AHRR: variants seen among roughly 807,000 people sequenced by gnomAD.
AHRR encodes ahR repressor.
In AHRR, 28 loss-of-function variants were observed where a neutral mutation model predicts 44.0. The ratio of observed to expected loss-of-function variants is 0.64; its 90% CI spans 0.47 to 0.87. AHRR has a LOEUF of 0.87. Among genes scored for constraint, AHRR ranks in the 40% least tolerant of loss-of-function variants. The pLI is 0.00. For synonymous variants in AHRR, 434 were observed against 407.0 expected, an observed-to-expected ratio of 1.07 and a Z score of -0.80; for missense variants, 990 against 953.9, an observed-to-expected ratio of 1.04 and a Z score of -0.50.
At chr5:396,386 G>C (rs2126482911) in intron 4 of AHRR, among the ~76,000 whole-genome samples, 1 of 152,306 alleles carries the variant, frequency 6.6e-6, no homozygotes, top group Non-Finnish European at 1.5e-5. Context: ...GCTGGGGTCT[G>C]TGTGTCTGGG....
intron 4 of AHRR, among the ~76,000 whole-genome samples, chr5:410,058 G>A (rs553678590): frequency 3.3e-5 from 5 of 152,210 alleles, no homozygotes; most frequent in African/African-American, 1.2e-4. Flanking sequence ...TTGGCTGAGG[G>A]TCAGCTTGTC....
chr5:423,120 C>T (rs1736210451), intron 6 of AHRR, among the ~76,000 whole-genome samples: 1 of 152,206 alleles, frequency 6.6e-6, no homozygotes, highest in Non-Finnish European at 1.5e-5. Context: ...AGGTCACCGC[C>T]ATTCTTGTCA....
At chr5:425,275 G>A (rs1439437176) in intron 7 of AHRR, among the ~76,000 whole-genome samples, 1 of 152,184 alleles carries the variant, frequency 6.6e-6, no homozygotes, top group Non-Finnish European at 1.5e-5. Flanking sequence ...ACACGCCCCA[G>A]GGCACATCTT....
intron 5 of AHRR, chr5:422,365 A>G (rs1259668160): frequency 1.5e-5 from 5 of 343,502 alleles, no homozygotes; most frequent in African/African-American, 1.1e-4. Flanking sequence ...AGGCCATAAG[A>G]TGTGAAGTGA....
At chr5:328,255 ATTTTTTT>A (rs70955232) in intron 1 of AHRR, among the ~76,000 whole-genome samples, 3 of 54,286 alleles carry the variant, frequency 5.5e-5, no homozygotes, top group African/African-American at 1.2e-4. Flanking sequence ...CCAACATCTG[ATTTTTTT>A]TTTTTTTTTT....
chr5:341,564 TCG>T (rs1742351487), intron 1 of AHRR, among the ~76,000 whole-genome samples: 1 of 138,210 alleles, frequency 7.2e-6, no homozygotes, highest in Admixed American at 7.7e-5. Flanking sequence ...CCTCACTCTG[TCG>T]CCCAGGCTGG....
Position 434,335 on chromosome 5 carries a change from C to G in AHRR, c.1595C>G (p.Ser532Cys), listed in dbSNP as rs1196584343. The change falls in exon 11 of 11, where the codon TCC becomes TGC. Residue 532 changes from serine to cysteine, a missense_variant. By Grantham distance (112) the Ser-to-Cys change is moderately radical (BLOSUM62 -1). Coordinates refer to ENST00000684583, the MANE Select transcript of AHRR (RefSeq NM_001377236.1). ...LCGPTLLLDV[S>C]IKMEKDSGCE... ...GGTCCGACGCTGCTGCTAGATGTGTCCATCAAGATGGAGAAGGACTCTGGG... is the reference window on the plus strand; with the variant it reads ...GGTCCGACGCTGCTGCTAGATGTGTGCATCAAGATGGAGAAGGACTCTGGG... The G allele has an allele frequency of 1.2e-6, 2 of 1,612,536 alleles. No homozygotes were observed. The highest frequency in any genetic ancestry group is 2.2e-5 in the South Asian group (2 of 90,910).
chr5:381,320 T>A (rs1733972292), intron 4 of AHRR, among the ~76,000 whole-genome samples: 1 of 152,154 alleles, frequency 6.6e-6, no homozygotes, highest in African/African-American at 2.4e-5. Flanking sequence ...ATAATTGTTG[T>A]CTGAGAATAG....
At position 414,529 on chromosome 5, in the gene AHRR, G is replaced by A. The variant is rs111611289; in HGVS notation, c.441+1096G>A. Among the ~76,000 whole-genome samples the A allele has an allele frequency of 5.4e-3, 824 of 152,164 alleles. 11 individuals carry two copies. The highest frequency in any genetic ancestry group is 0.019 in the African/African-American group (790 of 41,512). ...ACAAGCCACTCCCACAAAAATACCCGCCCTGCAAATGAGCTCACAATGCAA... is the reference window on the plus strand; with the variant it reads ...ACAAGCCACTCCCACAAAAATACCCACCCTGCAAATGAGCTCACAATGCAA... On this transcript the variant is annotated intron_variant, in intron 5 of 10. Coordinates refer to ENST00000684583, the MANE Select transcript of AHRR (RefSeq NM_001377236.1).
intron 5 of AHRR, chr5:420,924 A>AGACCCACG (rs1736075105): frequency 1.5e-5 from 4 of 274,096 alleles, no homozygotes; most frequent in African/African-American, 6.0e-5. Flanking sequence ...CCAGGCACGC[A>AGACCCACG]CACGCAGCCA....
At chr5:432,769 C>T (rs748867332) in intron 9 of AHRR, 37 bp from the exon 10 acceptor site, 3 of 1,613,026 alleles carry the variant, frequency 1.9e-6, no homozygotes, top group Non-Finnish European at 2.5e-6. Flanking sequence ...CCTCAGCTCG[C>T]ACCGTGACGG....
chr5:363,702 G>A (rs968219152), intron 3 of AHRR, among the ~76,000 whole-genome samples: 2 of 152,218 alleles, frequency 1.3e-5, no homozygotes, highest in Non-Finnish European at 2.9e-5. Context: ...AAGGCACACA[G>A]TAGGCACTTG....
chr5:329,412 T>C (rs57074855), intron 1 of AHRR, among the ~76,000 whole-genome samples: 14,952 of 152,202 alleles, frequency 0.098, 2,371 homozygotes, highest in African/African-American at 0.33. Flanking sequence ...CACTGTGTTG[T>C]TCAGGCTGGT....
intron 3 of AHRR, among the ~76,000 whole-genome samples, chr5:366,365 T>C (rs936040377): frequency 6.6e-6 from 1 of 152,160 alleles, no homozygotes; most frequent in Non-Finnish European, 1.5e-5. Context: ...AGCATTAAAA[T>C]GAATAATGAT....
intron 5 of AHRR, among the ~76,000 whole-genome samples, chr5:415,730 G>GCGGAGTCTGCCTGGTCGGGTGGGAGGC (rs1560916547): frequency 6.6e-6 from 1 of 152,112 alleles, no homozygotes. Context: ...AGGCCTAGGG[G>GCGGAGTCTGCCTGGTCGGGTGGGAGGC]CTGTGCAGAG....
chr5:344,822 T>G (rs1467191779), intron 2 of AHRR, among the ~76,000 whole-genome samples: 4 of 124,458 alleles, frequency 3.2e-5, no homozygotes, highest in Admixed American at 1.5e-4. Context: ...CGGGTGTGTG[T>G]GGGGGACTGT....
At chr5:403,516 A>AT (rs1452159690) in intron 4 of AHRR, among the ~76,000 whole-genome samples, 1 of 151,960 alleles carries the variant, frequency 6.6e-6, no homozygotes, top group African/African-American at 2.4e-5. Context: ...CATGCCTGTA[A>AT]TCCCAGCTAC....
Position 331,634 on chromosome 5 carries a change from G to A in AHRR, c.-11+9815G>A, listed in dbSNP as rs543304243. 4.6e-5 allele frequency among the ~76,000 whole-genome samples: 7 copies of A among 152,212 alleles called. No individual in the cohort carries two copies. The East Asian group carries it at 5.8e-4, about 13-fold the overall frequency. Reference sequence around the variant, plus strand: ...CAGGGGTCCTCAACCCCCAGGCCTCGGACCGGTACCTGTCCATGGCTCGCT... The same window carrying A: ...CAGGGGTCCTCAACCCCCAGGCCTCAGACCGGTACCTGTCCATGGCTCGCT... On this transcript the variant is annotated intron_variant, in intron 1 of 10. Transcript: ENST00000684583.
rs70955232 is a variant in AHRR, at chr5:328,255, A to ATTTTTTTTTT, written c.-11+6457_-11+6466dup. On this transcript the variant is annotated intron_variant, in intron 1 of 10. Transcript: ENST00000684583. ...TTCTCTGCATCCTCACCAACATCTG[A>ATTTTTTTTTT]TTTTTTTTTTTTTTTTTTTTTTTTT... Among the ~76,000 whole-genome samples the ATTTTTTTTTT allele has an allele frequency of 1.3e-4, 7 of 54,288 alleles. 1 individual carries two copies. Among genetic ancestry groups the ATTTTTTTTTT allele is most frequent in the African/African-American group, 3.6e-4 (6 of 16,820 alleles). The allele number at this position is 54,288 out of a possible 152,430, so 35.6% of individuals were successfully genotyped here. A position where few individuals can be genotyped will look rare whatever the true frequency, so the allele number is the denominator to read the frequency against.
Sources: allele counts gnomAD v4.1 joint callset (sites outside exome capture counted in the v4.1 genomes callset), GRCh38; gene constraint gnomAD v4.1.1; transcripts MANE v1.5; gene names NCBI Gene and HGNC (gene_info 2026-07-23, HGNC 2026-07-21).